The following MOB3B variants were observed in gnomAD, a reference collection of about 807,000 sequenced individuals.
The protein encoded by MOB3B is MOB kinase activator 3B.
MOB3B carries 7 observed loss-of-function variants against 18.7 expected under a neutral mutation model. That is an observed-to-expected ratio of 0.37 (90% CI 0.21 to 0.70). The LOEUF (loss-of-function observed/expected upper bound fraction) is 0.70. MOB3B is among the 30% of genes least tolerant of loss of function. The probability of loss-of-function intolerance (pLI) is 0.52; values close to 1 mark genes in which losing one functional copy is unlikely to be tolerated. For missense variants in MOB3B, 253 were observed against 281.3 expected, an observed-to-expected ratio of 0.90 and a Z score of 0.72; for synonymous variants, 111 against 99.9, an observed-to-expected ratio of 1.11 and a Z score of -0.66.
rs1415907438 is a variant in MOB3B at position 27,461,472 on chromosome 9, T to C, written c.-198-5724A>G. 2.6e-5 allele frequency among the ~76,000 whole-genome samples: 4 copies of C among 152,248 alleles called. No homozygotes were observed. The East Asian group carries it at 7.7e-4, about 29-fold the overall frequency. ...CCTCAACTTTGAGCTGTCATATCACTGCATTTTGTTACATTAGTTGGGAGA... is the reference window on the plus strand; with the variant it reads ...CCTCAACTTTGAGCTGTCATATCACCGCATTTTGTTACATTAGTTGGGAGA... On this transcript the variant is annotated intron_variant, in intron 1 of 3. Coordinates refer to ENST00000262244, the MANE Select transcript of MOB3B (RefSeq NM_024761.5).
chr9:27,434,009 T>C (rs966829216), intron 2 of MOB3B, among the ~76,000 whole-genome samples: 2 of 152,068 alleles, frequency 1.3e-5, no homozygotes, highest in Non-Finnish European at 1.5e-5. Flanking sequence ...GGAATGGAAA[T>C]AGAACTAAAA....
intron 2 of MOB3B, among the ~76,000 whole-genome samples, chr9:27,399,240 C>T (rs1238411628): frequency 2.0e-5 from 3 of 152,188 alleles, no homozygotes; most frequent in African/African-American, 7.2e-5. Context: ...TGCCTTATCC[C>T]ACTTCCCAGT....
chr9:27,512,172 T>C (rs770665888), intron 1 of MOB3B, among the ~76,000 whole-genome samples: 1 of 152,108 alleles, frequency 6.6e-6, no homozygotes, highest in African/African-American at 2.4e-5. Flanking sequence ...CCACTGCTTA[T>C]AAGAGACCCA....
At chr9:27,363,255 G>A (rs1230554885) in intron 2 of MOB3B, among the ~76,000 whole-genome samples, 1 of 152,012 alleles carries the variant, frequency 6.6e-6, no homozygotes. Context: ...ATTATTTCAG[G>A]TTTTTCGTTT....
In MOB3B at chr9:27,330,259, A is replaced by T. The variant is rs936348989; in HGVS notation, c.*328T>A. 5.1e-5 allele frequency: 12 copies of T among 235,900 alleles called. No homozygotes were observed. Among genetic ancestry groups the T allele is most frequent in the Non-Finnish European group, 7.3e-5 (9 of 122,452 alleles). 14.6% of individuals were successfully genotyped at this position (235,900 alleles called of 1,614,324 possible). ...AGTCTCAAAACCTGAATTCCAGTAA[A>T]GCTTAGGCGGCAGGTCACAGGCAGA... On this transcript the variant is annotated 3_prime_UTR_variant, in exon 4 of 4. Coordinates refer to ENST00000262244, the MANE Select transcript of MOB3B (RefSeq NM_024761.5).
intron 3 of MOB3B, among the ~76,000 whole-genome samples, chr9:27,355,158 G>C (rs946366654): frequency 2.0e-5 from 3 of 152,140 alleles, no homozygotes; most frequent in African/African-American, 7.2e-5. Flanking sequence ...GTGCTGCATG[G>C]ATCCTCAGCA....
intron 1 of MOB3B, among the ~76,000 whole-genome samples, chr9:27,516,891 T>A (rs545335005): frequency 3.6e-4 from 55 of 152,238 alleles, no homozygotes; most frequent in African/African-American, 1.3e-3. Flanking sequence ...TGGATAGACA[T>A]CTCCACTTAG....
intron 1 of MOB3B, among the ~76,000 whole-genome samples, chr9:27,489,539 A>G (rs1048845036): frequency 2.6e-5 from 4 of 152,164 alleles, no homozygotes; most frequent in African/African-American, 9.6e-5. Context: ...GAGAAAGGCT[A>G]TGTTGCTGGT....
chr9:27,481,642 C>A (rs1819658149), intron 1 of MOB3B, among the ~76,000 whole-genome samples: 1 of 151,578 alleles, frequency 6.6e-6, no homozygotes, highest in African/African-American at 2.4e-5. Context: ...TCTCCTGCCT[C>A]AGCCTCCCAA....
chr9:27,364,214 G>T (rs1821313093), intron 2 of MOB3B, among the ~76,000 whole-genome samples: 1 of 152,198 alleles, frequency 6.6e-6, no homozygotes, highest in South Asian at 2.1e-4. Flanking sequence ...GCTGTGCATG[G>T]CTGGGTCTGA....
chr9:27,413,340 T>G (rs1822101484), intron 2 of MOB3B, among the ~76,000 whole-genome samples: 1 of 151,964 alleles, frequency 6.6e-6, no homozygotes, highest in African/African-American at 2.4e-5. Context: ...TTTTTTTTTG[T>G]GGAGCTTAAA....
At chr9:27,451,431 C>G (rs967406528) in intron 2 of MOB3B, among the ~76,000 whole-genome samples, 1 of 152,172 alleles carries the variant, frequency 6.6e-6, no homozygotes, top group African/African-American at 2.4e-5. Flanking sequence ...GTTTGGTATT[C>G]TGCCATCTGA....
At chr9:27,514,586 T>C (rs2783009) in intron 1 of MOB3B, among the ~76,000 whole-genome samples, 39,413 of 152,140 alleles carry the variant, frequency 0.26, 5,245 homozygotes, top group Admixed American at 0.3. Flanking sequence ...TCTGTATATA[T>C]AATAGGAAAT....
At chr9:27,521,296 G>A (rs1346607361) in intron 1 of MOB3B, among the ~76,000 whole-genome samples, 1 of 152,284 alleles carries the variant, frequency 6.6e-6, no homozygotes, top group African/African-American at 2.4e-5. Context: ...TGGGGTGAGA[G>A]GGCTAAAGAT....
At chr9:27,385,974 T>C (rs1159311570) in intron 2 of MOB3B, among the ~76,000 whole-genome samples, 2 of 152,204 alleles carry the variant, frequency 1.3e-5, no homozygotes, top group Non-Finnish European at 2.9e-5. Context: ...CCCTCAGACA[T>C]GTCTAGGGAG....
intron 1 of MOB3B, among the ~76,000 whole-genome samples, chr9:27,522,666 C>G (rs924488079): frequency 6.6e-6 from 1 of 151,942 alleles, no homozygotes; most frequent in East Asian, 1.9e-4. Context: ...AACTTCCTTA[C>G]AGCTAAGTCT....
chr9:27,506,791 A>G (rs924711780), intron 1 of MOB3B, among the ~76,000 whole-genome samples: 17 of 151,592 alleles, frequency 1.1e-4, no homozygotes, highest in African/African-American at 4.1e-4. Flanking sequence ...CGGCCTCCCA[A>G]AGTGCTGGGA....
intron 1 of MOB3B, among the ~76,000 whole-genome samples, chr9:27,459,124 G>A (rs570576562): frequency 2.6e-5 from 4 of 152,216 alleles, no homozygotes; most frequent in Middle Eastern, 6.8e-3. Flanking sequence ...CTGAGTGTGA[G>A]ATGCCATATT....
At chr9:27,337,556 T>C (rs1820881740) in intron 3 of MOB3B, among the ~76,000 whole-genome samples, 3 of 152,160 alleles carry the variant, frequency 2.0e-5, no homozygotes, top group African/African-American at 7.2e-5. Context: ...TTTCCTTATC[T>C]CAAGATCTAA....
Sources: allele counts gnomAD v4.1 joint callset (sites outside exome capture counted in the v4.1 genomes callset), GRCh38; gene constraint gnomAD v4.1.1; transcripts MANE v1.5; gene names NCBI Gene and HGNC (gene_info 2026-07-23, HGNC 2026-07-21).